Variants in ANO6 observed in about 807,000 individuals in gnomAD.
The protein encoded by ANO6 is anoctamin 6, also known as anoctamin-6.
In ANO6, 106 loss-of-function variants were observed where a neutral mutation model predicts 117.5. The ratio of observed to expected loss-of-function variants is 0.90; its 90% CI spans 0.77 to 1.06. The LOEUF (loss-of-function observed/expected upper bound fraction) is 1.06, where lower values mean the gene tolerates loss of function less well. Among genes scored for constraint, ANO6 ranks in the 50% least tolerant of loss-of-function variants. ANO6 has a pLI of 0.00. For missense variants in ANO6, 955 were observed against 1,121.1 expected, an observed-to-expected ratio of 0.85 and a Z score of 2.12; for synonymous variants, 367 against 385.1, an observed-to-expected ratio of 0.95 and a Z score of 0.55.
chr12:45,415,233 G>T (rs1943185394), intron 16 of ANO6, among the ~76,000 whole-genome samples: 1 of 152,134 alleles, frequency 6.6e-6, no homozygotes, highest in Non-Finnish European at 1.5e-5. Flanking sequence ...TTTTTCTTAA[G>T]TCAATTATCA....
intron 7 of ANO6, among the ~76,000 whole-genome samples, chr12:45,352,815 A>G (rs1169401864): frequency 6.6e-6 from 1 of 152,026 alleles, no homozygotes; most frequent in Non-Finnish European, 1.5e-5. Flanking sequence ...ATGGTTTTTT[A>G]GTTCAAAGCA....
intron 2 of ANO6, among the ~76,000 whole-genome samples, chr12:45,322,003 A>AAAG (rs1940291877): frequency 6.6e-6 from 1 of 152,158 alleles, no homozygotes; most frequent in Non-Finnish European, 1.5e-5. Flanking sequence ...CTGGTAGTCC[A>AAAG]GTCTGGTGCC....
At chr12:45,434,678 G>T (rs1943687574), downstream of ANO6, among the ~76,000 whole-genome samples, 2 of 152,146 alleles carry the variant, frequency 1.3e-5, no homozygotes, top group Non-Finnish European at 2.9e-5. Context: ...AAGGCTCCCT[G>T]TCCCTCATTT....
At chr12:45,239,518 T>C (rs994831606) in intron 1 of ANO6, among the ~76,000 whole-genome samples, 5 of 151,824 alleles carry the variant, frequency 3.3e-5, no homozygotes, top group African/African-American at 1.2e-4. Context: ...TTTTTTTTTT[T>C]TGAAGGGTTT....
chr12:45,333,511 C>G (rs1040665255), intron 3 of ANO6, among the ~76,000 whole-genome samples: 9 of 151,866 alleles, frequency 5.9e-5, no homozygotes, highest in African/African-American at 2.2e-4. Context: ...GATGAAGGGC[C>G]CTAGAGCTGC....
At chr12:45,272,801 T>G (rs1009546353) in intron 1 of ANO6, among the ~76,000 whole-genome samples, 1 of 152,232 alleles carries the variant, frequency 6.6e-6, no homozygotes, top group Non-Finnish European at 1.5e-5. Context: ...GTCCCACTTC[T>G]GAGTATATAC....
chr12:45,408,506 C>T (rs1298364914), intron 15 of ANO6, among the ~76,000 whole-genome samples: 3 of 152,136 alleles, frequency 2.0e-5, no homozygotes, highest in Non-Finnish European at 4.4e-5. Flanking sequence ...GGTAGCTCAG[C>T]GGGGCAGTAT....
chr12:45,302,996 C>CA (rs1228953192), intron 2 of ANO6, among the ~76,000 whole-genome samples: 1 of 152,112 alleles, frequency 6.6e-6, no homozygotes, highest in South Asian at 2.1e-4. Context: ...TGGTAAAGAC[C>CA]AAAAAAACCT....
At chr12:45,227,222 T>C (rs1309414705) in intron 1 of ANO6, among the ~76,000 whole-genome samples, 1 of 152,134 alleles carries the variant, frequency 6.6e-6, no homozygotes, top group East Asian at 1.9e-4. Flanking sequence ...GCTCCTGACC[T>C]CAAGTGATCC....
At chr12:45,297,463 A>G (rs1592931605) in intron 1 of ANO6, among the ~76,000 whole-genome samples, 1 of 152,322 alleles carries the variant, frequency 6.6e-6, no homozygotes, top group Middle Eastern at 3.4e-3. Flanking sequence ...GTCTCAAACA[A>G]CTTTGCTGTA....
In ANO6 at chr12:45,320,565, C is replaced by T. The variant is rs183867492; in HGVS notation, c.151-10730C>T. Reference sequence around the variant, plus strand: ...TACGTGGTCAGTTTTGGAATAGGTGCGGTGTGGTGCTGAGAAGAATGTATA... The same window carrying T: ...TACGTGGTCAGTTTTGGAATAGGTGTGGTGTGGTGCTGAGAAGAATGTATA... On this transcript the variant is annotated intron_variant, in intron 2 of 19. Transcript: ENST00000320560. Among the ~76,000 whole-genome samples the T allele has an allele frequency of 1.1e-3, 164 of 152,116 alleles. 3 individuals are homozygous for T. Among genetic ancestry groups the T allele is most frequent in the East Asian group, 8.5e-3 (44 of 5,174 alleles).
intron 3 of ANO6, among the ~76,000 whole-genome samples, chr12:45,331,868 A>T (rs773455281): frequency 5.3e-5 from 8 of 152,104 alleles, no homozygotes; most frequent in Non-Finnish European, 1.0e-4. Flanking sequence ...TAATCACACC[A>T]TTTTATGGAT....
At chr12:45,220,054 G>T (rs892121573) in intron 1 of ANO6, among the ~76,000 whole-genome samples, 1 of 152,128 alleles carries the variant, frequency 6.6e-6, no homozygotes, top group Admixed American at 6.6e-5. Context: ...TCTTGTTCAT[G>T]TAGAATGCTA....
intron 1 of ANO6, among the ~76,000 whole-genome samples, chr12:45,247,664 G>A (rs2137180271): frequency 6.6e-6 from 1 of 152,290 alleles, no homozygotes; most frequent in Admixed American, 6.5e-5. Context: ...TTTATGGTGA[G>A]GGCACTCTTC....
chr12:45,419,136 G>A lies in ANO6; in HGVS notation c.2218-1935G>A, dbSNP rs114362409. On this transcript the variant is annotated intron_variant, in intron 17 of 19. Coordinates refer to ENST00000320560, the MANE Select transcript of ANO6 (RefSeq NM_001025356.3). ...AGCTGAATTGACATTGTTGTATCAT[G>A]CCAGAGCATCTGTTATTGAAGACCA... is the stretch of plus-strand genomic sequence containing the variant. Among the ~76,000 whole-genome samples the A allele has an allele frequency of 1.5e-3, 221 of 152,306 alleles. 1 individual carries two copies. The highest frequency in any genetic ancestry group is 4.9e-3 in the African/African-American group (204 of 41,568).
intron 16 of ANO6, among the ~76,000 whole-genome samples, chr12:45,412,412 A>T (rs1210910224): frequency 1.3e-5 from 2 of 152,170 alleles, no homozygotes; most frequent in African/African-American, 4.8e-5. Flanking sequence ...TTAATTTTTT[A>T]AAATCTGCTA....
chr12:45,350,119 A>G (rs924033282), intron 6 of ANO6, among the ~76,000 whole-genome samples: 12 of 152,184 alleles, frequency 7.9e-5, no homozygotes, highest in Non-Finnish European at 1.5e-4. Flanking sequence ...TTAAGCAGGA[A>G]GTTTTGTTTC....
At chr12:45,388,427 T>C in intron 11 of ANO6, 124 bp downstream of exon 11, 2 of 1,218,636 alleles carry the variant, frequency 1.6e-6, no homozygotes, top group Non-Finnish European at 2.4e-6. Context: ...CATCACTACA[T>C]ACTCTGGTAC....
chr12:45,350,353 A>G (rs1941248103), intron 6 of ANO6, among the ~76,000 whole-genome samples: 1 of 152,018 alleles, frequency 6.6e-6, no homozygotes. Context: ...CCAATTTTTC[A>G]TTGTGTAGGA....
Sources: gnomAD v4.1 joint callset for allele counts (sites outside exome capture counted in the v4.1 genomes callset) on GRCh38, gnomAD v4.1.1 for gene constraint, MANE v1.5 for transcripts, NCBI Gene and HGNC (gene_info 2026-07-23, HGNC 2026-07-21) for gene names.